SORCS2: variants seen among roughly 807,000 people sequenced by gnomAD.
SORCS2 encodes VPS10 domain-containing receptor SorCS2.
In SORCS2, 100 loss-of-function variants were observed where a neutral mutation model predicts 141.6. The observed-to-expected ratio is 0.71, with a 90% CI of 0.60 to 0.83. The LOEUF is 0.83. Ranked by LOEUF, SORCS2 falls within the 40% of genes least tolerant of loss-of-function variation. The pLI is 0.00. For missense variants in SORCS2, 1,646 were observed against 1,560.2 expected, an observed-to-expected ratio of 1.05 and a Z score of -0.93; for synonymous variants, 789 against 676.9, an observed-to-expected ratio of 1.17 and a Z score of -2.57.
intron 2 of SORCS2, among the ~76,000 whole-genome samples, chr4:7,440,463 C>A (rs995449688): frequency 6.6e-6 from 1 of 152,254 alleles, no homozygotes; most frequent in Non-Finnish European, 1.5e-5. Flanking sequence ...TCACCATTGG[C>A]CCTTGTGGCC....
chr4:7,414,635 G>T, intron 2 of SORCS2, among the ~76,000 whole-genome samples: 1 of 152,208 alleles, frequency 6.6e-6, no homozygotes, highest in East Asian at 1.9e-4. Context: ...TAATTCTACA[G>T]AAGTAAAAAC....
intron 1 of SORCS2, among the ~76,000 whole-genome samples, chr4:7,251,763 C>A (rs1012672935): frequency 6.6e-6 from 1 of 152,100 alleles, no homozygotes; most frequent in African/African-American, 2.4e-5. Flanking sequence ...TCCCAGAACC[C>A]CCACCATGTG....
chr4:7,232,466 C>T (rs1024972117), intron 1 of SORCS2, among the ~76,000 whole-genome samples: 1 of 152,294 alleles, frequency 6.6e-6, no homozygotes, highest in African/African-American at 2.4e-5. Flanking sequence ...TGTCACCCCC[C>T]ACGGCAGCCC....
chr4:7,207,086 C>T (rs77930365), intron 1 of SORCS2, among the ~76,000 whole-genome samples: 3,447 of 152,298 alleles, frequency 0.023, 50 homozygotes, highest in Admixed American at 0.034. Flanking sequence ...TCCATGTACA[C>T]GCCAGCCCTG....
intron 11 of SORCS2, among the ~76,000 whole-genome samples, chr4:7,691,047 C>G (rs908737373): frequency 6.6e-6 from 1 of 152,176 alleles, no homozygotes; most frequent in African/African-American, 2.4e-5. Context: ...GACAGTCAGA[C>G]AGGCAGCATC....
At chr4:7,272,481 G>A (rs1218750335) in intron 1 of SORCS2, among the ~76,000 whole-genome samples, 1 of 152,218 alleles carries the variant, frequency 6.6e-6, no homozygotes, top group East Asian at 1.9e-4. Flanking sequence ...ATGTGCTATA[G>A]CATGCCAGTT....
intron 3 of SORCS2, among the ~76,000 whole-genome samples, chr4:7,572,975 T>G (rs1181466018): frequency 6.6e-6 from 1 of 152,244 alleles, no homozygotes; most frequent in Non-Finnish European, 1.5e-5. Context: ...TGCCCCGTCA[T>G]AGTCTAAATC....
intron 2 of SORCS2, among the ~76,000 whole-genome samples, chr4:7,480,362 T>G (rs979673595): frequency 6.6e-6 from 1 of 152,006 alleles, no homozygotes; most frequent in Non-Finnish European, 1.5e-5. Context: ...GAAGTGACAT[T>G]CCCAAACTCT....
chr4:7,712,985 C>T (rs1725929462), intron 15 of SORCS2, 132 bp downstream of exon 15: 3 of 1,348,740 alleles, frequency 2.2e-6, no homozygotes, highest in Non-Finnish European at 3.0e-6. Context: ...TCAGGGAATC[C>T]CCAGCGCCTT....
intron 1 of SORCS2, among the ~76,000 whole-genome samples, chr4:7,326,448 A>G (rs1271577186): frequency 1.3e-5 from 2 of 152,160 alleles, no homozygotes; most frequent in Admixed American, 1.3e-4. Flanking sequence ...CTGCCGCCCC[A>G]GCCGTGGATC....
intron 5 of SORCS2, among the ~76,000 whole-genome samples, chr4:7,656,668 G>A (rs922318876): frequency 1.3e-5 from 2 of 152,218 alleles, no homozygotes; most frequent in African/African-American, 4.8e-5. Context: ...TTCACCGGGT[G>A]TTCCTGCATC....
chr4:7,390,292 AT>A (rs1366895226), intron 1 of SORCS2, among the ~76,000 whole-genome samples: 1 of 152,136 alleles, frequency 6.6e-6, no homozygotes, highest in African/African-American at 2.4e-5. Context: ...CTTTTTGATG[AT>A]TCTTGAGCCT....
intron 7 of SORCS2, among the ~76,000 whole-genome samples, chr4:7,665,237 C>T (rs1342593658): frequency 6.6e-6 from 1 of 152,194 alleles, no homozygotes; most frequent in African/African-American, 2.4e-5. Flanking sequence ...CACTTGGTCA[C>T]CCCAGCAGCC....
chr4:7,325,059 A>G (rs1397675178), intron 1 of SORCS2, among the ~76,000 whole-genome samples: 2 of 152,180 alleles, frequency 1.3e-5, no homozygotes, highest in Non-Finnish European at 2.9e-5. Flanking sequence ...GCTGCAGACG[A>G]GGCTGTCATC....
At chr4:7,257,810 A>G (rs572158988) in intron 1 of SORCS2, among the ~76,000 whole-genome samples, 64 of 152,082 alleles carry the variant, frequency 4.2e-4, no homozygotes, top group Non-Finnish European at 6.9e-4. Flanking sequence ...CAGCTTGCTT[A>G]CCTGGCCTCC....
intron 14 of SORCS2, among the ~76,000 whole-genome samples, chr4:7,704,534 C>T (rs539886170): frequency 6.6e-6 from 1 of 152,360 alleles, no homozygotes; most frequent in South Asian, 2.1e-4. Flanking sequence ...AGCCATATGG[C>T]ATGAAGGTCA....
intron 3 of SORCS2, among the ~76,000 whole-genome samples, chr4:7,605,970 G>A (rs912601162): frequency 6.6e-6 from 1 of 152,210 alleles, no homozygotes; most frequent in Non-Finnish European, 1.5e-5. Flanking sequence ...TACAGATGCT[G>A]AAAGGATGCA....
chr4:7,679,844 G>T (rs1203797208), intron 9 of SORCS2, among the ~76,000 whole-genome samples: 1 of 151,066 alleles, frequency 6.6e-6, no homozygotes, highest in Non-Finnish European at 1.5e-5. Flanking sequence ...CTAAGCTGAT[G>T]CTCAGCCAAT....
rs1560480326 is a variant in SORCS2 at position 7,682,811 on chromosome 4, C to G, written c.1410C>G (p.Thr470=). 3.1e-6 allele frequency: 5 copies of G among 1,613,034 alleles called. No individual in the cohort carries two copies. The highest frequency in any genetic ancestry group is 1.3e-5 in the African/African-American group (1 of 75,012). The change falls in exon 10 of 27, where the codon ACC becomes ACG. Residue 470 remains threonine (T), a synonymous_variant. Coordinates refer to ENST00000507866, the MANE Select transcript of SORCS2 (RefSeq NM_020777.3). The part of the protein sequence containing the change: ...KIDGKVMTLI[T]YNKGRDWDYL... Reference sequence around the variant, plus strand: ...ATGGGAAAGTGATGACGCTTATAACCTACAACAAGGGCCGCGACTGGGATT... The same window carrying G: ...ATGGGAAAGTGATGACGCTTATAACGTACAACAAGGGCCGCGACTGGGATT...
Sources: allele counts gnomAD v4.1 joint callset (sites outside exome capture counted in the v4.1 genomes callset), GRCh38; gene constraint gnomAD v4.1.1; transcripts MANE v1.5; gene names NCBI Gene and HGNC (gene_info 2026-07-23, HGNC 2026-07-21).